APOBR: variants seen among roughly 807,000 people sequenced by gnomAD.
APOBR encodes apolipoprotein B receptor.
APOBR carries 57 observed loss-of-function variants against 88.5 expected under a neutral mutation model. That is an observed-to-expected ratio of 0.64 (90% CI 0.52 to 0.80). APOBR has a LOEUF of 0.80. Among genes scored for constraint, APOBR ranks in the 30% least tolerant of loss-of-function variants. The probability of loss-of-function intolerance (pLI) is 0.00; values close to 1 mark genes in which losing one functional copy is unlikely to be tolerated. For missense variants in APOBR, 1,443 were observed against 1,401.6 expected (o/e 1.03, Z -0.47); for synonymous variants, 588 against 572.7 (o/e 1.03, Z -0.38).
Position 28,496,164 on chromosome 16 carries a change from A to G in APOBR, c.1123A>G (p.Thr375Ala), listed in dbSNP as rs571204500. The G allele has an allele frequency of 4.5e-6, 7 of 1,550,682 alleles. No individual in the cohort carries two copies. In the South Asian group the frequency reaches 8.7e-5, roughly 19 times the overall value. Reference sequence around the variant, plus strand: ...CTCAGGAGGGGACGAGGCCTGGACAACCTCAGGCAAAGAGGAGGCTGACCT... The same window carrying G: ...CTCAGGAGGGGACGAGGCCTGGACAGCCTCAGGCAAAGAGGAGGCTGACCT... ...TASGGDEAWT[T>A]SGKEEADLLG... The change falls in exon 2 of 4, where the codon ACC (threonine) becomes GCC (alanine). Residue 375 changes from threonine (T) to alanine (A), a missense_variant. Physicochemically the swap from Thr to Ala is moderately conservative, Grantham distance 58. Coordinates refer to ENST00000564831, the MANE Select transcript of APOBR (RefSeq NM_018690.4).
At position 28,495,379 on chromosome 16, in the gene APOBR, C is replaced by T; in HGVS notation, c.338C>T (p.Ala113Val). 1.3e-6 allele frequency: 2 copies of T among 1,562,178 alleles called. No individual in the cohort carries two copies. The highest frequency in any genetic ancestry group is 2.7e-5 in the African/African-American group (2 of 73,638). ...WGDGSSHGSQAERQDSGAGET... is the reference protein window; with the variant it reads ...WGDGSSHGSQVERQDSGAGET... ...GATGGCAGCTCCCATGGGTCCCAAG[C>T]AGAGAGGCAGGACAGTGGGGCTGGG... Residue 113 changes from alanine to valine, a missense_variant, in exon 2 of 4, where the codon GCA (alanine) becomes GTA (valine). Ala to Val is a moderately conservative substitution (Grantham distance 64, BLOSUM62 0). Coordinates refer to ENST00000564831, the MANE Select transcript of APOBR (RefSeq NM_018690.4).
Position 28,496,957 on chromosome 16 carries a change from A to T in APOBR, c.1916A>T (p.Glu639Val). The T allele has an allele frequency of 6.4e-7, 1 of 1,558,680 alleles. No homozygotes were observed. Among genetic ancestry groups the T allele is most frequent in the Non-Finnish European group, 8.7e-7 (1 of 1,152,002 alleles). ...GACATGGAGAGAGGAAATACTCAGG[A>T]GGATGCGGCCGATGGCGAGCAGCGG... is the stretch of plus-strand genomic sequence containing the variant. ...RKDMERGNTQEDAADGEQREE... is the reference protein window; with the variant it reads ...RKDMERGNTQVDAADGEQREE... Residue 639 changes from glutamate to valine, a missense_variant, in exon 2 of 4, where the codon GAG (glutamate) becomes GTG (valine). Coordinates refer to ENST00000564831, the MANE Select transcript of APOBR (RefSeq NM_018690.4).
Position 28,496,465 on chromosome 16 carries a change from AC to A in APOBR, c.1425del (p.Leu476TrpfsTer91). On this transcript the variant is annotated frameshift_variant, in exon 2 of 4. Transcript: ENST00000564831. LOFTEE classifies it high-confidence loss of function. ...GGTAAGGAGGCTGAGATGAGGCAGG[AC>A]TTGGGGATCAGGGCCGACCGGGCCA... ...LRGKEAEMRQ[D>X]LGIRADRARM... is the part of the protein sequence containing the mutation. 6.2e-7 allele frequency: 1 copy of A among 1,610,648 alleles called. No individual in the cohort carries two copies. Among genetic ancestry groups the A allele is most frequent in the Non-Finnish European group, 8.5e-7 (1 of 1,178,376 alleles).
At position 28,495,085 on chromosome 16, in the gene APOBR, C is replaced by T; in HGVS notation, c.58-14C>T. 1 of 1,488,420 alleles carries T rather than the reference C, an allele frequency of 6.7e-7. No individual in the cohort carries two copies. Among genetic ancestry groups the T allele is most frequent in the Non-Finnish European group, 8.9e-7 (1 of 1,119,568 alleles). 92.2% of individuals were successfully genotyped at this position (1,488,420 alleles called of 1,614,324 possible). A position where few individuals can be genotyped will look rare whatever the true frequency, so the allele number is the denominator to read the frequency against. ...TCCTCAATGACTCTCCCCTCTCTCT[C>T]TCTTTTTTCCTAGGATTCCCTCGGC... On this transcript the variant is annotated splice_polypyrimidine_tract_variant and intron_variant, in intron 1 of 3. Coordinates refer to ENST00000564831, the MANE Select transcript of APOBR (RefSeq NM_018690.4).
Position 28,496,905 on chromosome 16 carries a change from G to C in APOBR, c.1864G>C (p.Gly622Arg). 3 of 1,559,952 alleles carry C rather than the reference G, an allele frequency of 1.9e-6. No homozygotes were observed. Among genetic ancestry groups the C allele is most frequent in the Non-Finnish European group, 2.6e-6 (3 of 1,152,622 alleles). ...GCCTGAGGCCTCCGAGGCCTTCCCA[G>C]GAGCCTGGGAAAACCGCACGAGAAA... Reference protein sequence around the residue: ...VKPEASEAFPGAWENRTRKDM... With the variant: ...VKPEASEAFPRAWENRTRKDM... Residue 622 changes from glycine to arginine, a missense_variant, in exon 2 of 4, where the codon GGA (glycine) becomes CGA (arginine). Coordinates refer to ENST00000564831, the MANE Select transcript of APOBR (RefSeq NM_018690.4).
Position 28,497,372 on chromosome 16 carries a change from C to A in APOBR, c.2331C>A (p.Gly777=). The change falls in exon 2 of 4, where the codon GGC becomes GGA. Residue 777 remains glycine (G), a synonymous_variant. Transcript: ENST00000564831. Reference sequence around the variant, plus strand: ...TGGTCCCACACATCAGCGCTGCTGGCGCTGGTGAAGCTTTGGAAGGGGTGC... The same window carrying A: ...TGGTCCCACACATCAGCGCTGCTGGAGCTGGTGAAGCTTTGGAAGGGGTGC... ...GDVVPHISAA[G]AGEALEGVLG... is the part of the protein sequence containing the mutation. 6.2e-7 allele frequency: 1 copy of A among 1,611,412 alleles called. No homozygotes were observed. The highest frequency in any genetic ancestry group is 1.1e-5 in the South Asian group (1 of 90,716).
intron 1 of APOBR, 151 bp downstream of exon 1, chr16:28,494,889 T>G: frequency 2.3e-6 from 2 of 886,044 alleles, no homozygotes; most frequent in Non-Finnish European, 3.4e-6. Context: ...ACTCCTGGCC[T>G]AATATTTTCT....
At chr16:28,494,872 C>A in intron 1 of APOBR, 134 bp downstream of exon 1, 1 of 963,010 alleles carries the variant, frequency 1.0e-6, no homozygotes, top group South Asian at 1.7e-5. Flanking sequence ...TTCTCAGGTT[C>A]AGGCAGACTC....
In APOBR at chr16:28,495,441, G is replaced by C; in HGVS notation, c.400G>C (p.Ala134Pro). The change falls in exon 2 of 4, where the codon GCC becomes CCC. Residue 134 changes from alanine (A) to proline (P), a missense_variant. Ala to Pro is a conservative substitution (Grantham distance 27). Coordinates refer to ENST00000564831, the MANE Select transcript of APOBR (RefSeq NM_018690.4). Reference protein sequence around the residue: ...AKAARCQEPSAHLEARKKSKA... With the variant: ...AKAARCQEPSPHLEARKKSKA... ...GGCTGCCAGGTGCCAGGAGCCAAGC[G>C]CCCACTTGGAGGCCAGAAAGAAATC... The C allele has an allele frequency of 6.4e-7, 1 of 1,560,924 alleles. No individual in the cohort carries two copies. Among genetic ancestry groups the C allele is most frequent in the Non-Finnish European group, 8.7e-7 (1 of 1,152,700 alleles).
rs200832612 is a variant in APOBR, at chr16:28,496,534, G to A, written c.1493G>A (p.Arg498Lys). ...LVQAEEAQEE[R>K]GSSRDPVAEL... Reference sequence around the variant, plus strand: ...CAGGCAGAGGAGGCCCAGGAGGAGAGAGGGAGCAGCAGGGATCCAGTGGCT... The same window carrying A: ...CAGGCAGAGGAGGCCCAGGAGGAGAAAGGGAGCAGCAGGGATCCAGTGGCT... Residue 498 changes from arginine to lysine, a missense_variant, in exon 2 of 4, where the codon AGA (arginine) becomes AAA (lysine). Physicochemically the swap from Arg to Lys is conservative, Grantham distance 26. Coordinates refer to ENST00000564831, the MANE Select transcript of APOBR (RefSeq NM_018690.4). The A allele has an allele frequency of 2.3e-4, 368 of 1,574,386 alleles. 1 individual carries two copies. Among genetic ancestry groups the A allele is most frequent in the South Asian group, 7.3e-4 (62 of 84,776 alleles).
At chr16:28,495,072 C>G in intron 1 of APOBR, 27 bp from the exon 2 acceptor site, 1 of 1,473,054 alleles carries the variant, frequency 6.8e-7, no homozygotes, top group Non-Finnish European at 9.0e-7. Flanking sequence ...CTCAATGACT[C>G]TCCCCTCTCT....
At position 28,497,897 on chromosome 16, in the gene APOBR, C is replaced by G. The variant is rs771012562; in HGVS notation, c.2856C>G (p.His952Gln). 1.2e-6 allele frequency: 2 copies of G among 1,613,538 alleles called. No individual in the cohort carries two copies. Among genetic ancestry groups the G allele is most frequent in the South Asian group, 1.1e-5 (1 of 91,044 alleles). ...HVRGQEEQPT[H>Q]QAPAEAAPES... ...GGGGCCAGGAGGAGCAGCCAACACACCAGGCCCCTGCAGAAGCTGCGCCGG... is the reference window on the plus strand; with the variant it reads ...GGGGCCAGGAGGAGCAGCCAACACAGCAGGCCCCTGCAGAAGCTGCGCCGG... Residue 952 changes from histidine (H) to glutamine (Q), a missense_variant, in exon 2 of 4, where the codon CAC becomes CAG. Transcript: ENST00000564831.
Position 28,498,423 on chromosome 16 carries a change from C to T in APOBR, c.3225-13C>T. ...TGGGAACCTGTTCTCACGGGCCTGACTTCCGCCTCCAGGTTTGGCCTCGCG... is the reference window on the plus strand; with the variant it reads ...TGGGAACCTGTTCTCACGGGCCTGATTTCCGCCTCCAGGTTTGGCCTCGCG... On this transcript the variant is annotated splice_polypyrimidine_tract_variant and intron_variant, in intron 3 of 3. Transcript: ENST00000564831. The T allele has an allele frequency of 6.3e-7, 1 of 1,599,750 alleles. No individual in the cohort carries two copies. The highest frequency in any genetic ancestry group is 8.5e-7 in the Non-Finnish European group (1 of 1,173,540).
Position 28,495,515 on chromosome 16 carries a change from G to A in APOBR, c.474G>A (p.Glu158=). Residue 158 remains glutamate (E), a synonymous_variant, in exon 2 of 4, where the codon GAG becomes GAA. Coordinates refer to ENST00000564831, the MANE Select transcript of APOBR (RefSeq NM_018690.4). ...AAGACAGGAGCGGCCAAGCCCAGGAGAGGCAGGAGTCCCATGAGCAGGAAG... is the reference window on the plus strand; with the variant it reads ...AAGACAGGAGCGGCCAAGCCCAGGAAAGGCAGGAGTCCCATGAGCAGGAAG... ...ACQDRSGQAQ[E]RQESHEQEVN... The A allele has an allele frequency of 6.4e-7, 1 of 1,568,740 alleles. No homozygotes were observed. Among genetic ancestry groups the A allele is most frequent in the East Asian group, 2.4e-5 (1 of 42,404 alleles).
rs764563471 is a variant in APOBR, at chr16:28,496,099, AGGCCGGG to A, written c.1059_1065del (p.Ala354GlnfsTer45). 4.0e-6 allele frequency: 3 copies of A among 747,870 alleles called. No homozygotes were observed. Among genetic ancestry groups the A allele is most frequent in the Non-Finnish European group, 3.7e-6 (2 of 540,304 alleles). 46.3% of individuals were successfully genotyped at this position (747,870 alleles called of 1,614,324 possible). On this transcript the variant is annotated frameshift_variant, in exon 2 of 4. Coordinates refer to ENST00000564831, the MANE Select transcript of APOBR (RefSeq NM_018690.4). LOFTEE classifies it high-confidence loss of function. The stretch of plus-strand genomic sequence containing the variant: ...GCTGGGACAGCCTCAGGAGGGGAGG[AGGCCGGG>A]ACAGCCTCAGGAGGGGAGGAGGCCG...
chr16:28,496,759 C>T lies in APOBR; in HGVS notation c.1718C>T (p.Pro573Leu). 6.3e-7 allele frequency: 1 copy of T among 1,582,426 alleles called. No individual in the cohort carries two copies. The highest frequency in any genetic ancestry group is 8.6e-7 in the Non-Finnish European group (1 of 1,164,528). Residue 573 changes from proline to leucine, a missense_variant, in exon 2 of 4, where the codon CCA becomes CTA. Pro to Leu is a moderately conservative substitution (Grantham distance 98). Transcript: ENST00000564831. ...GPELMGGAQTPTKQPEEREAG... is the reference protein window; with the variant it reads ...GPELMGGAQTLTKQPEEREAG... ...GAGCTGATGGGGGGCGCCCAGACCC[C>T]AACTAAGCAACCCGAGGAAAGGGAG...
In APOBR at chr16:28,496,513, C is replaced by A; in HGVS notation, c.1472C>A (p.Ala491Glu). The A allele has an allele frequency of 6.3e-7, 1 of 1,584,424 alleles. No homozygotes were observed. The highest frequency in any genetic ancestry group is 8.6e-7 in the Non-Finnish European group (1 of 1,165,924). Residue 491 changes from alanine (A) to glutamate (E), a missense_variant, in exon 2 of 4, where the codon GCA becomes GAA. Transcript: ENST00000564831. ...DRARMEELVQ[A>E]EEAQEERGSS... ...GCCAGGATGGAAGAGCTGGTACAGG[C>A]AGAGGAGGCCCAGGAGGAGAGAGGG...
rs2046398211 is a variant in APOBR, at chr16:28,497,005, G to A, written c.1964G>A (p.Gly655Asp). ...EQREEEETAG[G>D]QTLAAEAEGD... ...CGGGAGGAGGAGGAGACTGCGGGAG[G>A]CCAGACCCTGGCGGCTGAGGCTGAA... Residue 655 changes from glycine (G) to aspartate (D), a missense_variant, in exon 2 of 4, where the codon GGC (glycine) becomes GAC (aspartate). By Grantham distance (94) the Gly-to-Asp change is moderately conservative. Transcript: ENST00000564831. 6.4e-7 allele frequency: 1 copy of A among 1,573,384 alleles called. No individual in the cohort carries two copies. Among genetic ancestry groups the A allele is most frequent in the Non-Finnish European group, 8.6e-7 (1 of 1,160,078 alleles).
intron 1 of APOBR, 99 bp from the exon 2 acceptor site, chr16:28,495,000 T>G (rs2046377903): frequency 8.3e-7 from 1 of 1,202,656 alleles, no homozygotes; most frequent in Non-Finnish European, 1.1e-6. Flanking sequence ...CAGATCCCAG[T>G]ACCCTCTTCC....
Sources: allele counts gnomAD v4.1 joint callset, GRCh38; gene constraint gnomAD v4.1.1; transcripts MANE v1.5; gene names NCBI Gene and HGNC (gene_info 2026-07-23, HGNC 2026-07-21).